Variants in SLC12A8 observed in about 807,000 individuals in gnomAD.
The protein encoded by SLC12A8 is cation-chloride cotransporter 9.
Under a neutral mutation model 75.6 loss-of-function variants are expected in SLC12A8, and 69 were observed. The ratio of observed to expected loss-of-function variants is 0.91; its 90% CI spans 0.75 to 1.11. The LOEUF is 1.11. Ranked by LOEUF, SLC12A8 falls within the 50% of genes most tolerant of loss-of-function variation. The pLI is 0.00. For missense variants in SLC12A8, 877 were observed against 896.7 expected (o/e 0.98, Z 0.28); for synonymous variants, 365 against 372.8 (o/e 0.98, Z 0.24).
chr3:125,093,028 A>C (rs767865847), intron 10 of SLC12A8, among the ~76,000 whole-genome samples: 11 of 152,100 alleles, frequency 7.2e-5, no homozygotes, highest in Non-Finnish European at 1.3e-4. Flanking sequence ...ATTACTCCAC[A>C]ATCTATGTCA....
intron 2 of SLC12A8, among the ~76,000 whole-genome samples, chr3:125,191,959 A>C (rs897125456): frequency 5.3e-5 from 8 of 152,194 alleles, no homozygotes; most frequent in Admixed American, 6.5e-5. Context: ...TAATTGTCAG[A>C]ACAGTCCTCG....
intron 10 of SLC12A8, among the ~76,000 whole-genome samples, chr3:125,101,251 A>G (rs1938868849): frequency 2.0e-5 from 3 of 152,196 alleles, no homozygotes; most frequent in Admixed American, 1.3e-4. Context: ...AAGACAGAAC[A>G]ATGCCTAAAT....
intron 6 of SLC12A8, among the ~76,000 whole-genome samples, chr3:125,126,337 G>C (rs549969345): frequency 1.6e-4 from 24 of 152,272 alleles, no homozygotes; most frequent in African/African-American, 5.1e-4. Flanking sequence ...CAGGGGACTT[G>C]GGGTCAGCGC....
chr3:125,131,900 G>A (rs986104683), intron 6 of SLC12A8, among the ~76,000 whole-genome samples: 1 of 152,064 alleles, frequency 6.6e-6, no homozygotes, highest in Non-Finnish European at 1.5e-5. Flanking sequence ...CCCCCACCCC[G>A]CCAACTCCCT....
intron 5 of SLC12A8, among the ~76,000 whole-genome samples, chr3:125,150,086 A>C (rs978237825): frequency 4.6e-5 from 7 of 152,268 alleles, no homozygotes; most frequent in African/African-American, 1.7e-4. Flanking sequence ...TTTGCATGCA[A>C]CTTCAGGGGC....
At chr3:125,115,097 A>T (rs1416993394) in intron 8 of SLC12A8, among the ~76,000 whole-genome samples, 1 of 152,216 alleles carries the variant, frequency 6.6e-6, no homozygotes, top group African/African-American at 2.4e-5. Flanking sequence ...GTGCCAGGTA[A>T]AATGTATTAT....
At chr3:125,092,579 T>G (rs1174763734) in intron 10 of SLC12A8, among the ~76,000 whole-genome samples, 1 of 152,116 alleles carries the variant, frequency 6.6e-6, no homozygotes, top group Non-Finnish European at 1.5e-5. Flanking sequence ...TAGGGCAGGT[T>G]GGCTTTTGTC....
chr3:125,096,032 C>T (rs1938704207), intron 10 of SLC12A8, among the ~76,000 whole-genome samples: 2 of 152,198 alleles, frequency 1.3e-5, no homozygotes, highest in East Asian at 3.9e-4. Flanking sequence ...ACTGCCCCCG[C>T]TTTCCTCACT....
chr3:125,193,756 C>T (rs539568721), intron 2 of SLC12A8, among the ~76,000 whole-genome samples: 1 of 152,290 alleles, frequency 6.6e-6, no homozygotes, highest in East Asian at 1.9e-4. Context: ...TAGGCCCTCC[C>T]ACAAAGTCCA....
chr3:125,131,652 T>G (rs929450396), intron 6 of SLC12A8, among the ~76,000 whole-genome samples: 2 of 152,120 alleles, frequency 1.3e-5, no homozygotes, highest in Non-Finnish European at 1.5e-5. Context: ...CCTCCCAAAG[T>G]GCTGGGATTA....
chr3:125,120,383 C>A (rs1211369660), intron 7 of SLC12A8, among the ~76,000 whole-genome samples: 2 of 152,128 alleles, frequency 1.3e-5, no homozygotes, highest in Non-Finnish European at 2.9e-5. Context: ...GACACTCCTC[C>A]TCGGCAGCAT....
chr3:125,126,526 T>C (rs1933213157), intron 6 of SLC12A8, among the ~76,000 whole-genome samples: 1 of 152,232 alleles, frequency 6.6e-6, no homozygotes, highest in South Asian at 2.1e-4. Flanking sequence ...AATCACCCAG[T>C]GGCACACATT....
chr3:125,128,267 G>A (rs1579490556), intron 6 of SLC12A8, among the ~76,000 whole-genome samples: 1 of 135,696 alleles, frequency 7.4e-6, no homozygotes, highest in African/African-American at 2.7e-5. Flanking sequence ...TGCAAGCTCC[G>A]CCTCCCGGGT....
rs1340988483 is a variant in SLC12A8, at chr3:125,107,956, G to A, written c.1230C>T (p.Cys410=). The A allele has an allele frequency of 1.2e-6, 2 of 1,614,184 alleles. No homozygotes were observed. The highest frequency in any genetic ancestry group is 1.1e-5 in the South Asian group (1 of 91,078). The change falls in exon 10 of 14, where the codon TGC becomes TGT. Residue 410 remains cysteine (C), a synonymous_variant. Coordinates refer to ENST00000469902, the MANE Select transcript of SLC12A8 (RefSeq NM_024628.6). The part of the protein sequence containing the change: ...YSYFSLSMCS[C]SLTPVPEPVL... ...CCGGCTCAGGCACCGGGGTCAGGCTGCAGGAACACATGGACAGGGAGAAGT... is the reference window on the plus strand; with the variant it reads ...CCGGCTCAGGCACCGGGGTCAGGCTACAGGAACACATGGACAGGGAGAAGT...
intron 13 of SLC12A8, chr3:125,088,022 C>T (rs924489892): frequency 3.6e-5 from 15 of 412,966 alleles, no homozygotes; most frequent in Middle Eastern, 6.4e-4. Flanking sequence ...AGAGTAGTGA[C>T]TTATCACCCC....
chr3:125,110,360 C>A, intron 8 of SLC12A8, 25 bp from the exon 9 acceptor site: 2 of 1,605,590 alleles, frequency 1.2e-6, no homozygotes, highest in Non-Finnish European at 1.7e-6. Context: ...GTTTCATTCG[C>A]CAGTGCCAGA....
rs190601949 is a variant in SLC12A8, at chr3:125,144,923, G to A, written c.623-9141C>T. Among the ~76,000 whole-genome samples the A allele has an allele frequency of 2.7e-3, 407 of 152,280 alleles. 1 individual carries two copies. Among genetic ancestry groups the A allele is most frequent in the African/African-American group, 9.3e-3 (385 of 41,548 alleles). ...CCCCCCTCCTGCCAAGCACCAGGCTGAAAATATTCACATGCTCAGACCCCT... is the reference window on the plus strand; with the variant it reads ...CCCCCCTCCTGCCAAGCACCAGGCTAAAAATATTCACATGCTCAGACCCCT... On this transcript the variant is annotated intron_variant, in intron 5 of 13. Coordinates refer to ENST00000469902, the MANE Select transcript of SLC12A8 (RefSeq NM_024628.6).
chr3:125,131,633 CCA>C (rs1933360536), intron 6 of SLC12A8, among the ~76,000 whole-genome samples: 2 of 152,148 alleles, frequency 1.3e-5, no homozygotes, highest in Non-Finnish European at 1.5e-5. Context: ...AGTGATCTGC[CCA>C]CGTCATCCTC....
At chr3:125,164,004 G>A (rs1430837026) in intron 5 of SLC12A8, among the ~76,000 whole-genome samples, 3 of 152,208 alleles carry the variant, frequency 2.0e-5, no homozygotes, top group Non-Finnish European at 4.4e-5. Context: ...TGGTGGCACT[G>A]GGGAGGTATG....
Sources: gnomAD v4.1 joint callset for allele counts (sites outside exome capture counted in the v4.1 genomes callset) on GRCh38, gnomAD v4.1.1 for gene constraint, MANE v1.5 for transcripts, NCBI Gene and HGNC (gene_info 2026-07-23, HGNC 2026-07-21) for gene names.